Variants in NSMCE2 observed in about 807,000 individuals in gnomAD.
The protein encoded by NSMCE2 is NSE2 SUMO ligase component of SMC5/6 complex.
Under a neutral mutation model 23.8 loss-of-function variants are expected in NSMCE2, and 24 were observed. That is an observed-to-expected ratio of 1.01 (90% CI 0.73 to 1.42). The LOEUF (loss-of-function observed/expected upper bound fraction) is 1.42. Ranked by LOEUF, NSMCE2 falls within the 40% of genes most tolerant of loss-of-function variation. The pLI is 0.00. For missense variants in NSMCE2, 284 were observed against 296.5 expected (o/e 0.96, Z 0.31); for synonymous variants, 92 against 94.1 (o/e 0.98, Z 0.13).
intron 3 of NSMCE2, among the ~76,000 whole-genome samples, chr8:125,109,407 GA>G (rs1293442573): frequency 6.6e-6 from 1 of 152,190 alleles, no homozygotes; most frequent in Non-Finnish European, 1.5e-5. Context: ...GGACAACAGA[GA>G]ATGGATTGGG....
chr8:125,327,082 G>GT (rs1413331894), intron 5 of NSMCE2, among the ~76,000 whole-genome samples: 1 of 151,454 alleles, frequency 6.6e-6, no homozygotes, highest in Non-Finnish European at 1.5e-5. Context: ...GTCCAACATG[G>GT]TAAAACCCCA....
chr8:125,151,155 T>C lies in NSMCE2; in HGVS notation c.158-16T>C, dbSNP rs1182166837. ...TTTAAATGGAAAATAATAATTGCAA[T>C]TTTTTTTTCTTTCAGCTGAAGTGAG... On this transcript the variant is annotated splice_polypyrimidine_tract_variant and intron_variant, in intron 3 of 7. Transcript: ENST00000287437. The C allele has an allele frequency of 5.8e-6, 8 of 1,374,704 alleles. No homozygotes were observed. Among genetic ancestry groups the C allele is most frequent in the Non-Finnish European group, 8.2e-6 (8 of 979,042 alleles). 85.2% of individuals were successfully genotyped at this position (1,374,704 alleles called of 1,614,324 possible).
chr8:125,260,948 C>CAGA (rs1248860747), intron 5 of NSMCE2, among the ~76,000 whole-genome samples: 1 of 151,988 alleles, frequency 6.6e-6, no homozygotes, highest in South Asian at 2.1e-4. Flanking sequence ...CAGATATACC[C>CAGA]TATGGCACAG....
chr8:125,321,841 TTTG>T (rs756091577), intron 5 of NSMCE2, among the ~76,000 whole-genome samples: 6 of 152,082 alleles, frequency 3.9e-5, no homozygotes, highest in Non-Finnish European at 4.4e-5. Context: ...ATAGTCAGTT[TTTG>T]TTGTTGTTGT....
chr8:125,171,605 G>C (rs375945304), intron 4 of NSMCE2, among the ~76,000 whole-genome samples: 1 of 152,200 alleles, frequency 6.6e-6, no homozygotes, highest in Non-Finnish European at 1.5e-5. Context: ...AGCAGCTGCT[G>C]CTACTAATAC....
intron 5 of NSMCE2, chr8:125,182,580 A>G (rs917989560): frequency 2.4e-6 from 1 of 415,972 alleles, no homozygotes; most frequent in Non-Finnish European, 4.2e-6. Flanking sequence ...TAACAATGGT[A>G]TCGTTCAAGT....
At chr8:125,238,468 C>A (rs1825643057) in intron 5 of NSMCE2, among the ~76,000 whole-genome samples, 1 of 152,108 alleles carries the variant, frequency 6.6e-6, no homozygotes, top group Non-Finnish European at 1.5e-5. Flanking sequence ...GCACAGATAA[C>A]AGGGCAAATC....
chr8:125,342,788 T>G (rs1438302679), intron 5 of NSMCE2, among the ~76,000 whole-genome samples: 3 of 152,150 alleles, frequency 2.0e-5, no homozygotes, highest in Non-Finnish European at 4.4e-5. Context: ...TTCCTTACTC[T>G]TGGAAGTTCA....
At chr8:125,263,457 A>G (rs1404285463) in intron 5 of NSMCE2, among the ~76,000 whole-genome samples, 2 of 152,172 alleles carry the variant, frequency 1.3e-5, no homozygotes, top group African/African-American at 4.8e-5. Flanking sequence ...TGCTCTAGAA[A>G]GAAGTAAGAG....
intron 5 of NSMCE2, among the ~76,000 whole-genome samples, chr8:125,265,938 AGTT>A (rs950601918): frequency 1.3e-5 from 2 of 151,936 alleles, no homozygotes; most frequent in African/African-American, 4.8e-5. Context: ...TATTACTTTA[AGTT>A]ATTTGATTTG....
chr8:125,226,671 T>G (rs1243159431), intron 5 of NSMCE2, among the ~76,000 whole-genome samples: 1 of 152,008 alleles, frequency 6.6e-6, no homozygotes, highest in Non-Finnish European at 1.5e-5. Flanking sequence ...TTCTTGAGAA[T>G]GAAAACATGA....
intron 5 of NSMCE2, among the ~76,000 whole-genome samples, chr8:125,210,027 T>C (rs1824263602): frequency 6.6e-6 from 1 of 152,252 alleles, no homozygotes; most frequent in Admixed American, 6.5e-5. Flanking sequence ...CTCTACAGAA[T>C]AGTCACAGTT....
At chr8:125,261,906 C>T (rs927975833) in intron 5 of NSMCE2, among the ~76,000 whole-genome samples, 2 of 151,554 alleles carry the variant, frequency 1.3e-5, no homozygotes, top group African/African-American at 2.4e-5. Flanking sequence ...AGACCGTCCT[C>T]GCCAACACAG....
At chr8:125,186,578 A>G (rs370395432) in intron 5 of NSMCE2, among the ~76,000 whole-genome samples, 1 of 152,210 alleles carries the variant, frequency 6.6e-6, no homozygotes, top group African/African-American at 2.4e-5. Context: ...TATGACAACC[A>G]TTAATAACAA....
intron 5 of NSMCE2, among the ~76,000 whole-genome samples, chr8:125,334,840 T>C (rs1366494943): frequency 7.6e-6 from 1 of 131,402 alleles, no homozygotes; most frequent in Non-Finnish European, 1.6e-5. Context: ...TGGAGTGCAG[T>C]GACCTCCCAG....
intron 5 of NSMCE2, among the ~76,000 whole-genome samples, chr8:125,307,201 A>C (rs1828799610): frequency 6.6e-6 from 1 of 152,204 alleles, no homozygotes; most frequent in Non-Finnish European, 1.5e-5. Context: ...AGCTAGAGAC[A>C]AGGAAATTTT....
chr8:125,330,143 G>C (rs1264297861), intron 5 of NSMCE2, among the ~76,000 whole-genome samples: 4 of 149,432 alleles, frequency 2.7e-5, no homozygotes, highest in Non-Finnish European at 6.0e-5. Context: ...CTGCCTTCTT[G>C]TTAGGGAAAA....
intron 4 of NSMCE2, among the ~76,000 whole-genome samples, chr8:125,160,471 G>A (rs1377695204): frequency 6.6e-6 from 1 of 152,178 alleles, no homozygotes; most frequent in Non-Finnish European, 1.5e-5. Context: ...GGGGTGGCTT[G>A]GGGTATGGAA....
intron 5 of NSMCE2, among the ~76,000 whole-genome samples, chr8:125,192,242 A>G (rs951150342): frequency 4.6e-5 from 7 of 152,060 alleles, no homozygotes; most frequent in African/African-American, 1.2e-4. Context: ...AGTTAGAATG[A>G]TTTAAGTGTT....
Sources: gnomAD v4.1 joint callset for allele counts (sites outside exome capture counted in the v4.1 genomes callset) on GRCh38, gnomAD v4.1.1 for gene constraint, MANE v1.5 for transcripts, NCBI Gene and HGNC (gene_info 2026-07-23, HGNC 2026-07-21) for gene names.